Variants in NFIB observed in about 807,000 individuals in gnomAD.
The protein encoded by NFIB is nuclear factor I B, also known as nuclear factor 1 B-type.
A neutral mutation model predicts 61.5 loss-of-function variants in NFIB; 11 were observed. The ratio of observed to expected loss-of-function variants is 0.18; its 90% CI spans 0.11 to 0.30. The LOEUF is 0.30. Among genes scored for constraint, NFIB ranks in the 10% least tolerant of loss-of-function variants. The probability of loss-of-function intolerance (pLI) is 1.00; values close to 1 mark genes in which losing one functional copy is unlikely to be tolerated. For synonymous variants in NFIB, 260 were observed against 216.5 expected (o/e 1.20, Z -1.76); for missense variants, 471 against 608.9 (o/e 0.77, Z 2.38).
chr9:14,172,960 G>T (rs1307690866), intron 3 of NFIB, among the ~76,000 whole-genome samples: 1 of 152,034 alleles, frequency 6.6e-6, no homozygotes. Context: ...AGTAGAGACG[G>T]GGTTTCACTA....
intron 2 of NFIB, among the ~76,000 whole-genome samples, chr9:14,196,431 T>C (rs1483180664): frequency 1.3e-5 from 2 of 152,174 alleles, no homozygotes; most frequent in African/African-American, 4.8e-5. Flanking sequence ...TCTCAGCTTC[T>C]AGTTTGCGGA....
the NFIB span, among the ~76,000 whole-genome samples, chr9:14,498,147 C>T: frequency 6.6e-6 from 1 of 152,186 alleles, no homozygotes; most frequent in Non-Finnish European, 1.5e-5. Context: ...GAAGAAATGA[C>T]CTTGCCCTGA....
At chr9:14,347,885 G>A (rs531967372) in intron 1 of NFIB, among the ~76,000 whole-genome samples, 4 of 152,132 alleles carry the variant, frequency 2.6e-5, no homozygotes, top group East Asian at 1.9e-4. Flanking sequence ...AGCAAGGGCC[G>A]AGCGCGCGCG....
In NFIB at chr9:14,118,893, T is replaced by C. The variant is rs192395876; in HGVS notation, c.1245+1547A>G. Among the ~76,000 whole-genome samples, 5 of 151,626 alleles carry C rather than the reference T, an allele frequency of 3.3e-5. No individual in the cohort carries two copies. The East Asian group carries it at 7.8e-4, about 24-fold the overall frequency. On this transcript the variant is annotated intron_variant, in intron 8 of 10. Coordinates refer to ENST00000380953, the MANE Select transcript of NFIB (RefSeq NM_001190737.2). ...TCACCTAATATGCCCTCTTAACTTA[T>C]AAAGAAATTGAAATATACGTAAAAC... is the stretch of plus-strand genomic sequence containing the variant.
At chr9:14,230,618 G>C (rs1219452708) in intron 2 of NFIB, among the ~76,000 whole-genome samples, 1 of 152,144 alleles carries the variant, frequency 6.6e-6, no homozygotes, top group Non-Finnish European at 1.5e-5. Context: ...AGGAAGATTA[G>C]CTTAAGCTTA....
intron 6 of NFIB, among the ~76,000 whole-genome samples, chr9:14,136,370 C>G (rs1484744191): frequency 6.6e-6 from 1 of 152,014 alleles, no homozygotes; most frequent in Non-Finnish European, 1.5e-5. Flanking sequence ...TGCTATTCAC[C>G]ATGCCTCTCG....
At chr9:14,257,353 T>G (rs2056320136) in intron 2 of NFIB, among the ~76,000 whole-genome samples, 1 of 152,194 alleles carries the variant, frequency 6.6e-6, no homozygotes, top group African/African-American at 2.4e-5. Context: ...TTCTACAAGC[T>G]GGATATTAGA....
the NFIB span, among the ~76,000 whole-genome samples, chr9:14,421,095 A>AAAT: frequency 5.3e-5 from 8 of 152,006 alleles, no homozygotes; most frequent in Admixed American, 2.0e-4. Context: ...AAAAAAAAAA[A>AAAT]AAATAAGGCA....
At chr9:14,168,573 C>T (rs1377141271) in intron 3 of NFIB, among the ~76,000 whole-genome samples, 1 of 152,134 alleles carries the variant, frequency 6.6e-6, no homozygotes, top group Non-Finnish European at 1.5e-5. Flanking sequence ...ACGAGCTAGG[C>T]TTAGGCTAGA....
At chr9:14,231,581 A>G (rs2053198846) in intron 2 of NFIB, among the ~76,000 whole-genome samples, 1 of 152,216 alleles carries the variant, frequency 6.6e-6, no homozygotes, top group African/African-American at 2.4e-5. Context: ...TATGAAAAGA[A>G]CAGATTAACT....
chr9:14,172,483 A>T (rs1342498956), intron 3 of NFIB, among the ~76,000 whole-genome samples: 1 of 152,222 alleles, frequency 6.6e-6, no homozygotes, highest in South Asian at 2.1e-4. Context: ...AGCTTCTACA[A>T]GATAAATTCT....
intron 2 of NFIB, among the ~76,000 whole-genome samples, chr9:14,219,732 A>G (rs1194707682): frequency 1.3e-5 from 2 of 152,220 alleles, no homozygotes; most frequent in African/African-American, 4.8e-5. Flanking sequence ...AGAAAGCTTG[A>G]GCAAATAATA....
intron 2 of NFIB, among the ~76,000 whole-genome samples, chr9:14,302,778 T>A (rs2059818188): frequency 6.6e-6 from 1 of 152,024 alleles, no homozygotes; most frequent in Admixed American, 6.6e-5. Flanking sequence ...CTTCCTTTTT[T>A]CCCCTTCAGA....
chr9:14,453,943 C>T, the NFIB span, among the ~76,000 whole-genome samples: 1 of 151,794 alleles, frequency 6.6e-6, no homozygotes. Flanking sequence ...TAGCTGGGCA[C>T]GGTGGGCACC....
intron 2 of NFIB, among the ~76,000 whole-genome samples, chr9:14,208,179 A>AT (rs1372831995): frequency 1.3e-5 from 2 of 152,124 alleles, no homozygotes; most frequent in Non-Finnish European, 2.9e-5. Context: ...AGGGTAGGCC[A>AT]TTTTTTTAAA....
chr9:14,414,406 G>C, the NFIB span, among the ~76,000 whole-genome samples: 4 of 139,188 alleles, frequency 2.9e-5, no homozygotes, highest in African/African-American at 1.1e-4. Flanking sequence ...CTGCACTCCA[G>C]CCTGCGGACA....
chr9:14,465,981 C>T, the NFIB span, among the ~76,000 whole-genome samples: 1 of 152,188 alleles, frequency 6.6e-6, no homozygotes, highest in Non-Finnish European at 1.5e-5. Context: ...AGGCCCCCAA[C>T]ACTTTGGTCT....
At chr9:14,099,672 A>G (rs966908046) in intron 10 of NFIB, among the ~76,000 whole-genome samples, 2 of 152,236 alleles carry the variant, frequency 1.3e-5, no homozygotes, top group Non-Finnish European at 2.9e-5. Flanking sequence ...CACAGCATTT[A>G]GCACAGCTCA....
chr9:14,231,135 A>AAATATATATATATATATATAT (rs55959148), intron 2 of NFIB, among the ~76,000 whole-genome samples: 1 of 35,350 alleles, frequency 2.8e-5, no homozygotes, highest in African/African-American at 1.0e-4. Flanking sequence ...AAAAAAAAAA[A>AAATATATATATATATATATAT]ATATATATAT....
Sources: allele counts gnomAD v4.1 joint callset (sites outside exome capture counted in the v4.1 genomes callset), GRCh38; gene constraint gnomAD v4.1.1; transcripts MANE v1.5; gene names NCBI Gene and HGNC (gene_info 2026-07-23, HGNC 2026-07-21).